The following CAP2 variants were observed in gnomAD, a reference collection of about 807,000 sequenced individuals.
The protein encoded by CAP2 is adenylyl cyclase-associated protein 2.
Under a neutral mutation model 57.7 loss-of-function variants are expected in CAP2, and 24 were observed. The observed-to-expected ratio is 0.42, with a 90% confidence interval of 0.30 to 0.58. The LOEUF (loss-of-function observed/expected upper bound fraction) is 0.58. Among genes scored for constraint, CAP2 ranks in the 20% least tolerant of loss-of-function variants. CAP2 has a pLI of 0.22. For synonymous variants in CAP2, 194 were observed against 207.2 expected (o/e 0.94, Z 0.55); for missense variants, 501 against 590.3 (o/e 0.85, Z 1.57).
intron 4 of CAP2, among the ~76,000 whole-genome samples, chr6:17,500,577 G>A (rs1229633046): frequency 1.3e-5 from 2 of 151,392 alleles, no homozygotes; most frequent in South Asian, 2.1e-4. Flanking sequence ...GGCAACTTCC[G>A]AATGTGTTTT....
At chr6:17,403,143 C>T (rs1384134726) in intron 1 of CAP2, among the ~76,000 whole-genome samples, 1 of 151,954 alleles carries the variant, frequency 6.6e-6, no homozygotes, top group Admixed American at 6.6e-5. Flanking sequence ...GCTCTGTCAC[C>T]CAGGCTGGAG....
At chr6:17,520,028 A>G (rs902732072) in intron 7 of CAP2, among the ~76,000 whole-genome samples, 4 of 152,242 alleles carry the variant, frequency 2.6e-5, no homozygotes, top group Admixed American at 6.5e-5. Flanking sequence ...AGAGTAGAAT[A>G]AAACTGCACA....
chr6:17,512,002 G>A (rs1014975104), intron 6 of CAP2, among the ~76,000 whole-genome samples: 3 of 151,470 alleles, frequency 2.0e-5, no homozygotes, highest in Non-Finnish European at 2.9e-5. Context: ...TTGCTAGAAC[G>A]TTCTTCAAGT....
chr6:17,434,593 T>G (rs556838742), intron 3 of CAP2, among the ~76,000 whole-genome samples: 112 of 152,354 alleles, frequency 7.4e-4, no homozygotes, highest in Non-Finnish European at 1.3e-3. Context: ...AAGCACCACG[T>G]GTACTTTGTG....
rs1414087866 is a variant in CAP2 at position 17,527,601 on chromosome 6, T to C, written c.637-11668T>C. On this transcript the variant is annotated intron_variant, in intron 7 of 12. Coordinates refer to ENST00000229922, the MANE Select transcript of CAP2 (RefSeq NM_006366.3). ...TTTTTCATTTTTGTTCTCTTTCTTT[T>C]TTTTTTTTTTTTTGAGACAAAGTCT... 2.7e-5 allele frequency among the ~76,000 whole-genome samples: 4 copies of C among 148,104 alleles called. No individual in the cohort carries two copies. The South Asian group carries it at 6.3e-4, about 23-fold the overall frequency.
At chr6:17,507,121 C>A (rs977715680) in intron 4 of CAP2, 48 bp from the exon 5 acceptor site, 1 of 1,606,528 alleles carries the variant, frequency 6.2e-7, no homozygotes, top group East Asian at 2.2e-5. Context: ...AGGTGCTATG[C>A]GTCTGCTCTG....
In CAP2 at chr6:17,528,659, A is replaced by G. The variant is rs901348309; in HGVS notation, c.637-10610A>G. Among the ~76,000 whole-genome samples the G allele has an allele frequency of 2.6e-5, 4 of 152,146 alleles. No individual in the cohort carries two copies. The South Asian group carries it at 6.2e-4, about 24-fold the overall frequency. ...GGTGTTTGGAGCTTTGCCTCTGAAG[A>G]AAACGGATCCAAATGGGCCCCACAA... On this transcript the variant is annotated intron_variant, in intron 7 of 12. Transcript: ENST00000229922.
intron 11 of CAP2, among the ~76,000 whole-genome samples, chr6:17,545,331 AT>A (rs528143567): frequency 1.2e-3 from 177 of 152,082 alleles, no homozygotes; most frequent in African/African-American, 3.9e-3. Context: ...AGCAGTTAGC[AT>A]TTTTTTTAAT....
At chr6:17,510,289 T>G (rs1327240347) in intron 6 of CAP2, among the ~76,000 whole-genome samples, 3 of 152,148 alleles carry the variant, frequency 2.0e-5, no homozygotes, top group African/African-American at 7.2e-5. Context: ...AATTGCACAC[T>G]GGAAATGGTT....
At chr6:17,556,085 A>G (rs949168627) in intron 12 of CAP2, among the ~76,000 whole-genome samples, 3 of 152,208 alleles carry the variant, frequency 2.0e-5, no homozygotes, top group African/African-American at 7.2e-5. Context: ...TGCTGAGTTC[A>G]TCTATCTCCA....
intron 4 of CAP2, among the ~76,000 whole-genome samples, chr6:17,490,780 A>G (rs1761524692): frequency 6.6e-6 from 1 of 152,152 alleles, no homozygotes; most frequent in African/African-American, 2.4e-5. Context: ...CCTGGAAGAG[A>G]GACTGGGGCA....
intron 4 of CAP2, among the ~76,000 whole-genome samples, chr6:17,488,088 TG>T (rs1761461878): frequency 6.6e-6 from 1 of 151,892 alleles, no homozygotes; most frequent in Admixed American, 6.6e-5. Context: ...TTTTAATTTT[TG>T]TAGAGATGAA....
chr6:17,510,779 C>T (rs979877134), intron 6 of CAP2, among the ~76,000 whole-genome samples: 7 of 152,230 alleles, frequency 4.6e-5, no homozygotes, highest in Non-Finnish European at 1.0e-4. Flanking sequence ...TATACAGACA[C>T]ACACCTACAC....
chr6:17,394,048 G>A (rs1339345620), intron 1 of CAP2, among the ~76,000 whole-genome samples: 2 of 150,164 alleles, frequency 1.3e-5, no homozygotes, highest in East Asian at 2.0e-4. Flanking sequence ...GGCGGGGTGC[G>A]GGCAGGAGCT....
chr6:17,448,847 C>T (rs778377857), intron 3 of CAP2, among the ~76,000 whole-genome samples: 1 of 152,006 alleles, frequency 6.6e-6, no homozygotes, highest in Non-Finnish European at 1.5e-5. Context: ...CTGCAACCTC[C>T]GTTTCCCAGG....
chr6:17,435,473 T>C (rs371385630), intron 3 of CAP2, among the ~76,000 whole-genome samples: 42 of 56,484 alleles, frequency 7.4e-4, no homozygotes, highest in Admixed American at 1.6e-3. Context: ...TAGGTGGGAA[T>C]TGAACAATGA....
chr6:17,529,640 C>CAAAAAAA lies in CAP2; in HGVS notation c.637-9623_637-9617dup, dbSNP rs1554129487. ...TGGGCAACAGAGCAAGACTCCGTCT[C>CAAAAAAA]AAAAAAAAAAAATATATATATATAT... On this transcript the variant is annotated intron_variant, in intron 7 of 12. Transcript: ENST00000229922. Among the ~76,000 whole-genome samples the CAAAAAAA allele has an allele frequency of 8.7e-3, 1,016 of 117,068 alleles. 13 individuals are homozygous for CAAAAAAA. Among genetic ancestry groups the CAAAAAAA allele is most frequent in the African/African-American group, 0.036 (931 of 25,580 alleles). 76.8% of individuals were successfully genotyped at this position (117,068 alleles called of 152,430 possible).
chr6:17,449,009 G>A (rs773611411), intron 3 of CAP2, among the ~76,000 whole-genome samples: 2 of 152,108 alleles, frequency 1.3e-5, no homozygotes, highest in South Asian at 2.1e-4. Flanking sequence ...TGATCCACCC[G>A]CCTTGGGCTC....
chr6:17,536,863 T>C (rs561201785), intron 7 of CAP2, among the ~76,000 whole-genome samples: 9 of 152,308 alleles, frequency 5.9e-5, no homozygotes, highest in Admixed American at 1.3e-4. Context: ...AAAGCTTATA[T>C]TATACTCTCT....
Sources: allele counts gnomAD v4.1 joint callset (sites outside exome capture counted in the v4.1 genomes callset), GRCh38; gene constraint gnomAD v4.1.1; transcripts MANE v1.5; gene names NCBI Gene and HGNC (gene_info 2026-07-23, HGNC 2026-07-21).